Variants in TPD52 observed in about 807,000 individuals in gnomAD.
TPD52 encodes prostate and colon associated protein.
TPD52 carries 17 observed loss-of-function variants against 31.3 expected under a neutral mutation model. That is an observed-to-expected ratio of 0.54 (90% CI 0.37 to 0.82). The LOEUF (loss-of-function observed/expected upper bound fraction) is 0.82, where lower values mean the gene tolerates loss of function less well. TPD52 is among the 40% of genes least tolerant of loss of function. TPD52 has a pLI of 0.00. For synonymous variants in TPD52, 83 were observed against 89.6 expected (o/e 0.93, Z 0.42); for missense variants, 212 against 240.1 (o/e 0.88, Z 0.77).
rs139498834 is a variant in TPD52 at position 80,146,214 on chromosome 8, C to T, written c.19+25211G>A. Among the ~76,000 whole-genome samples, 258 of 152,270 alleles carry T rather than the reference C, an allele frequency of 1.7e-3. 1 individual carries two copies. Among genetic ancestry groups the T allele is most frequent in the African/African-American group, 5.7e-3 (238 of 41,550 alleles). ...GAACATCCAGATTGGAAAAGTCTAG[C>T]ACTGAAGTCGTGCAAAAAAATATAC... On this transcript the variant is annotated intron_variant, in intron 1 of 7. Transcript: ENST00000518937.
downstream of TPD52, among the ~76,000 whole-genome samples, chr8:80,031,117 A>G (rs1272096018): frequency 2.6e-5 from 4 of 152,322 alleles, no homozygotes; most frequent in Non-Finnish European, 4.4e-5. Context: ...TTGTCCGTCT[A>G]TCTTTGACCC....
At chr8:80,149,553 G>A (rs1162231518) in intron 1 of TPD52, among the ~76,000 whole-genome samples, 1 of 152,244 alleles carries the variant, frequency 6.6e-6, no homozygotes, top group East Asian at 1.9e-4. Context: ...TTGGGTAACA[G>A]GCAGAGGTTG....
intron 1 of TPD52, among the ~76,000 whole-genome samples, chr8:80,115,004 T>G (rs1168492904): frequency 6.6e-6 from 1 of 152,238 alleles, no homozygotes; most frequent in Non-Finnish European, 1.5e-5. Flanking sequence ...GAGGTACATC[T>G]GTACACAAAG....
chr8:80,081,461 TCTA>T (rs1476870198), intron 1 of TPD52, among the ~76,000 whole-genome samples: 2 of 152,104 alleles, frequency 1.3e-5, no homozygotes, highest in African/African-American at 4.8e-5. Context: ...TCCTGCTGGT[TCTA>T]CTAAGGAGGT....
intron 1 of TPD52, among the ~76,000 whole-genome samples, chr8:80,081,873 A>G (rs993279884): frequency 1.3e-5 from 2 of 152,166 alleles, no homozygotes; most frequent in African/African-American, 4.8e-5. Context: ...GCACAATCTC[A>G]GCTCACTGCA....
chr8:80,109,398 T>C (rs1807352270), intron 1 of TPD52, among the ~76,000 whole-genome samples: 1 of 152,144 alleles, frequency 6.6e-6, no homozygotes. Context: ...AAATTAGTCT[T>C]ACACTGATTA....
downstream of TPD52, chr8:80,032,918 G>A (rs1809727877): frequency 2.0e-5 from 3 of 152,364 alleles, no homozygotes. Flanking sequence ...AGTAGGCTGT[G>A]CTCATCTTGT....
At chr8:80,083,559 C>G (rs1815497031) in intron 1 of TPD52, among the ~76,000 whole-genome samples, 1 of 150,782 alleles carries the variant, frequency 6.6e-6, no homozygotes, top group African/African-American at 2.5e-5. Flanking sequence ...TAAGGAGCTT[C>G]TCCCTTCGCT....
intron 1 of TPD52, among the ~76,000 whole-genome samples, chr8:80,135,726 C>G (rs1209149676): frequency 1.3e-5 from 2 of 149,166 alleles, no homozygotes; most frequent in South Asian, 4.4e-4. Flanking sequence ...AGACTTGGAA[C>G]CAACCCAAAT....
intron 1 of TPD52, among the ~76,000 whole-genome samples, chr8:80,075,525 A>C (rs774836786): frequency 7.0e-4 from 107 of 152,210 alleles, no homozygotes; most frequent in Admixed American, 3.7e-3. Flanking sequence ...CAGTATTTTC[A>C]AATGCTTTAC....
intron 1 of TPD52, among the ~76,000 whole-genome samples, chr8:80,120,447 C>G (rs1263002582): frequency 6.6e-6 from 1 of 151,902 alleles, no homozygotes; most frequent in Non-Finnish European, 1.5e-5. Flanking sequence ...TGCCACGGCA[C>G]TCCAGCCTGA....
At chr8:80,101,479 A>C (rs1304029727) in intron 1 of TPD52, among the ~76,000 whole-genome samples, 2 of 150,054 alleles carry the variant, frequency 1.3e-5, no homozygotes, top group Non-Finnish European at 3.0e-5. Context: ...AAAAAAAAAG[A>C]ATTAAGCAAC....
chr8:80,099,135 C>T (rs1325739717), intron 1 of TPD52, among the ~76,000 whole-genome samples: 1 of 152,126 alleles, frequency 6.6e-6, no homozygotes. Context: ...CTTACATACA[C>T]TGGGAAACCA....
chr8:80,056,825 C>T (rs547623941), intron 2 of TPD52, among the ~76,000 whole-genome samples: 22 of 152,268 alleles, frequency 1.4e-4, no homozygotes, highest in South Asian at 1.0e-3. Flanking sequence ...CATAGAGCTA[C>T]CATATGACCC....
intron 2 of TPD52, among the ~76,000 whole-genome samples, chr8:80,059,946 T>C (rs983519810): frequency 1.5e-4 from 23 of 151,342 alleles, no homozygotes; most frequent in African/African-American, 5.6e-4. Context: ...TCAGGCGTGG[T>C]GGTGCACGCC....
At chr8:80,049,151 C>T (rs772592359) in intron 5 of TPD52, among the ~76,000 whole-genome samples, 5 of 152,134 alleles carry the variant, frequency 3.3e-5, no homozygotes, top group African/African-American at 9.7e-5. Flanking sequence ...TGCATCACAT[C>T]GAACATTTTA....
At chr8:80,143,686 C>T (rs1452647266) in intron 1 of TPD52, among the ~76,000 whole-genome samples, 1 of 152,128 alleles carries the variant, frequency 6.6e-6, no homozygotes, top group Non-Finnish European at 1.5e-5. Flanking sequence ...ACTGATCAAT[C>T]AAAAATTATC....
At chr8:80,125,340 G>C (rs1808529010) in intron 1 of TPD52, among the ~76,000 whole-genome samples, 1 of 152,110 alleles carries the variant, frequency 6.6e-6, no homozygotes, top group South Asian at 2.1e-4. Context: ...GCCAGGTGTG[G>C]TGGCACATTT....
At chr8:80,107,819 C>T (rs984739352) in intron 1 of TPD52, among the ~76,000 whole-genome samples, 28 of 151,760 alleles carry the variant, frequency 1.8e-4, no homozygotes, top group African/African-American at 6.8e-4. Flanking sequence ...TTTAAATTGT[C>T]GGTAAAATAA....
Sources: allele counts gnomAD v4.1 joint callset (sites outside exome capture counted in the v4.1 genomes callset), GRCh38; gene constraint gnomAD v4.1.1; transcripts MANE v1.5; gene names NCBI Gene and HGNC (gene_info 2026-07-23, HGNC 2026-07-21).